Variants in NLRP4 observed in about 807,000 individuals in gnomAD.
NLRP4 encodes NACHT, LRR and PYD domains-containing protein 4.
In NLRP4, 44 loss-of-function variants were observed where a neutral mutation model predicts 84.7. That is an observed-to-expected ratio of 0.52 (90% CI 0.41 to 0.67). The LOEUF (loss-of-function observed/expected upper bound fraction) is 0.67. Ranked by LOEUF, NLRP4 falls within the 30% of genes least tolerant of loss-of-function variation. NLRP4 has a pLI of 0.00. For synonymous variants in NLRP4, 544 were observed against 476.4 expected, an observed-to-expected ratio of 1.14 and a Z score of -1.85; for missense variants, 1,260 against 1,219.4, an observed-to-expected ratio of 1.03 and a Z score of -0.50.
intron 1 of NLRP4, among the ~76,000 whole-genome samples, chr19:55,840,344 A>G (rs10422662): frequency 0.058 from 6,893 of 119,612 alleles, 517 homozygotes; most frequent in African/African-American, 0.21. Flanking sequence ...GTGTATGTGT[A>G]TGTGTGTGTG....
chr19:55,880,765 C>T (rs1985556673), intron 9 of NLRP4, among the ~76,000 whole-genome samples: 1 of 152,122 alleles, frequency 6.6e-6, no homozygotes, highest in African/African-American at 2.4e-5. Context: ...ATGGGGGCTC[C>T]AGAAACAAAT....
chr19:55,858,747 C>T lies in NLRP4; in HGVS notation c.1354C>T (p.His452Tyr). ...GERESSYVFL[H>Y]VCIQEFCAAL... ...GCGTGAGAGCTCCTACGTGTTCCTC[C>T]ACGTGTGTATCCAGGAGTTCTGTGC... is the stretch of plus-strand genomic sequence containing the variant. Residue 452 changes from histidine to tyrosine, a missense_variant, in exon 3 of 10, where the codon CAC (histidine) becomes TAC (tyrosine). Coordinates refer to ENST00000301295, the MANE Select transcript of NLRP4 (RefSeq NM_134444.5). This position sits in a 1 kb window ranked among gnomAD's most constrained non-coding sequence, Gnocchi z 4.2. 1 of 1,614,158 alleles carries T rather than the reference C, an allele frequency of 6.2e-7. No homozygotes were observed. The highest frequency in any genetic ancestry group is 1.3e-5 in the African/African-American group (1 of 75,050).
At chr19:55,861,364 G>T in intron 3 of NLRP4, 22 bp from the exon 4 acceptor site, 1 of 1,608,294 alleles carries the variant, frequency 6.2e-7, no homozygotes, top group Non-Finnish European at 8.5e-7. Context: ...CCTGTGGAAA[G>T]CTCGTCCTTT....
chr19:55,850,589 CCGTGGCTGCGGTGTAATTTA>C (rs1984054837), intron 1 of NLRP4, among the ~76,000 whole-genome samples: 48 of 86,462 alleles, frequency 5.6e-4, no homozygotes, highest in African/African-American at 1.0e-3. Context: ...GGTGTAATTT[CCGTGGCTGCGGTGTAATTTA>C]CGAGGCTGCG....
chr19:55,864,120 T>C (rs1457486178), intron 5 of NLRP4, among the ~76,000 whole-genome samples: 1 of 152,222 alleles, frequency 6.6e-6, no homozygotes, highest in African/African-American at 2.4e-5. Context: ...ATGTACAGTT[T>C]AGTGATCCTC....
intron 1 of NLRP4, among the ~76,000 whole-genome samples, chr19:55,848,960 A>C (rs954580216): frequency 6.6e-6 from 1 of 152,150 alleles, no homozygotes; most frequent in African/African-American, 2.4e-5. Flanking sequence ...CCGCCATGTA[A>C]GATGTGCCTT....
rs989946776 is a variant in NLRP4, at chr19:55,840,634, G to A, written c.-66+3700G>A. Reference sequence around the variant, plus strand: ...AGGCTGGTCTAGATCTCCTGACCTCGTGATCCGCCCACCTCGGCCTCCCAA... The same window carrying A: ...AGGCTGGTCTAGATCTCCTGACCTCATGATCCGCCCACCTCGGCCTCCCAA... On this transcript the variant is annotated intron_variant, in intron 1 of 9. Transcript: ENST00000301295. 2.0e-5 allele frequency among the ~76,000 whole-genome samples: 3 copies of A among 152,086 alleles called. No individual in the cohort carries two copies. The East Asian group carries it at 5.8e-4, about 29-fold the overall frequency.
intron 6 of NLRP4, among the ~76,000 whole-genome samples, chr19:55,869,017 C>T (rs929324171): frequency 3.9e-5 from 6 of 152,082 alleles, no homozygotes; most frequent in Non-Finnish European, 8.8e-5. Context: ...CTGTTTAAGA[C>T]TTCAGACATC....
In NLRP4 at chr19:55,850,730, C is replaced by T. The variant is rs1467379130; in HGVS notation, c.-65-1286C>T. Among the ~76,000 whole-genome samples the T allele has an allele frequency of 8.6e-5, 12 of 139,550 alleles. 1 individual carries two copies. Among genetic ancestry groups the T allele is most frequent in the Non-Finnish European group, 1.5e-5 (1 of 65,972 alleles). The allele number at this position is 139,550 out of a possible 152,430, so 91.6% of individuals were successfully genotyped here. A position where few individuals can be genotyped will look rare whatever the true frequency, so the allele number is the denominator to read the frequency against. On this transcript the variant is annotated intron_variant, in intron 1 of 9. Coordinates refer to ENST00000301295, the MANE Select transcript of NLRP4 (RefSeq NM_134444.5). ...CTTCCCGAGGCTGCGGTGTACTTTCCGAGGCTGCGGTGTACTTCCCGAGGC... is the reference window on the plus strand; with the variant it reads ...CTTCCCGAGGCTGCGGTGTACTTTCTGAGGCTGCGGTGTACTTCCCGAGGC...
intron 1 of NLRP4, among the ~76,000 whole-genome samples, chr19:55,842,537 T>C (rs1338582601): frequency 6.6e-6 from 1 of 151,978 alleles, no homozygotes; most frequent in Non-Finnish European, 1.5e-5. Flanking sequence ...TTCTTTTTTT[T>C]TTAGATTTAC....
rs755045775 is a variant in NLRP4 at position 55,871,010 on chromosome 19, C to G, written c.2525+13C>G. The G allele has an allele frequency of 5.6e-6, 9 of 1,611,630 alleles. No homozygotes were observed. Among genetic ancestry groups the G allele is most frequent in the Non-Finnish European group, 7.6e-6 (9 of 1,178,210 alleles). On this transcript the variant is annotated intron_variant, in intron 7 of 9. Coordinates refer to ENST00000301295, the MANE Select transcript of NLRP4 (RefSeq NM_134444.5). ...TGGATTCACTGTGGTAGGCTTTTTGCTGTTTCTTTGAAGACCAAGCCGTCT... is the reference window on the plus strand; with the variant it reads ...TGGATTCACTGTGGTAGGCTTTTTGGTGTTTCTTTGAAGACCAAGCCGTCT...
At chr19:55,874,247 C>G (rs1338562115) in intron 7 of NLRP4, among the ~76,000 whole-genome samples, 1 of 151,870 alleles carries the variant, frequency 6.6e-6, no homozygotes, top group Non-Finnish European at 1.5e-5. Flanking sequence ...TTTATTTAGC[C>G]ATATATCAAA....
chr19:55,876,383 T>TTG (rs1985372725), intron 7 of NLRP4, among the ~76,000 whole-genome samples: 1 of 152,250 alleles, frequency 6.6e-6, no homozygotes, highest in Admixed American at 6.5e-5. Flanking sequence ...GTCTCTCACT[T>TTG]TGTCGCCCAG....
intron 1 of NLRP4, among the ~76,000 whole-genome samples, chr19:55,844,234 C>A (rs1983711412): frequency 6.6e-6 from 1 of 152,112 alleles, no homozygotes; most frequent in African/African-American, 2.4e-5. Flanking sequence ...TTCCCTGTGG[C>A]ATGGTATCCT....
chr19:55,860,020 T>C (rs908419538), intron 3 of NLRP4, among the ~76,000 whole-genome samples: 4 of 149,192 alleles, frequency 2.7e-5, no homozygotes, highest in East Asian at 2.0e-4. Flanking sequence ...GAGTTTTGCT[T>C]TGTCACCCAG....
At chr19:55,854,311 G>A (rs1984325534) in intron 2 of NLRP4, among the ~76,000 whole-genome samples, 1 of 152,050 alleles carries the variant, frequency 6.6e-6, no homozygotes, top group South Asian at 2.1e-4. Context: ...TATTTATGCA[G>A]TTTGCCTTTT....
intron 1 of NLRP4, among the ~76,000 whole-genome samples, chr19:55,839,193 T>C (rs374605105): frequency 2.0e-5 from 3 of 152,118 alleles, no homozygotes; most frequent in African/African-American, 7.2e-5. Context: ...TGTGTTCTTA[T>C]TGTTCAACTC....
chr19:55,876,891 C>T lies in NLRP4; in HGVS notation c.2526-105C>T, dbSNP rs2123068516. On this transcript the variant is annotated intron_variant, in intron 7 of 9. Coordinates refer to ENST00000301295, the MANE Select transcript of NLRP4 (RefSeq NM_134444.5). ...CTGTGGATATGGAGGACTGACGGTG[C>T]CTATCCACATGAATGACAAAGGCTG... is the stretch of plus-strand genomic sequence containing the variant. 3 of 834,074 alleles carry T rather than the reference C, an allele frequency of 3.6e-6. No homozygotes were observed. In the South Asian group the frequency reaches 5.5e-5, roughly 15 times the overall value. 51.7% of individuals were successfully genotyped at this position (834,074 alleles called of 1,614,324 possible).
chr19:55,839,115 C>G (rs1326996958), intron 1 of NLRP4, among the ~76,000 whole-genome samples: 1 of 152,030 alleles, frequency 6.6e-6, no homozygotes, highest in African/African-American at 2.4e-5. Flanking sequence ...TCCTAATGCT[C>G]TCCCTCCCCT....
Sources: gnomAD v4.1 joint callset for allele counts (sites outside exome capture counted in the v4.1 genomes callset) on GRCh38, gnomAD v4.1.1 for gene constraint, Gnocchi (gnomAD v3.1) non-coding constraint, MANE v1.5 for transcripts, NCBI Gene and HGNC (gene_info 2026-07-23, HGNC 2026-07-21) for gene names.